The following ADAMTS12 variants were observed in gnomAD, a reference collection of about 807,000 sequenced individuals.
The protein encoded by ADAMTS12 is A disintegrin and metalloproteinase with thrombospondin motifs 12.
ADAMTS12 carries 118 observed loss-of-function variants against 167.8 expected under a neutral mutation model. The observed-to-expected ratio is 0.70, with a 90% CI of 0.61 to 0.82. The LOEUF (loss-of-function observed/expected upper bound fraction) is 0.82. Among genes scored for constraint, ADAMTS12 ranks in the 40% least tolerant of loss-of-function variants. ADAMTS12 has a pLI of 0.00. For missense variants in ADAMTS12, 1,916 were observed against 1,998.8 expected (o/e 0.96, Z 0.79); for synonymous variants, 704 against 716.9 (o/e 0.98, Z 0.29).
chr5:33,762,446 T>C (rs146001254), intron 2 of ADAMTS12, among the ~76,000 whole-genome samples: 2,273 of 151,840 alleles, frequency 0.015, 85 homozygotes, highest in East Asian at 0.14. Flanking sequence ...AGGCGGGGGT[T>C]GCAGTGAGCC....
At chr5:33,682,036 C>T (rs1474741833) in intron 5 of ADAMTS12, among the ~76,000 whole-genome samples, 1 of 152,204 alleles carries the variant, frequency 6.6e-6, no homozygotes, top group Non-Finnish European at 1.5e-5. Flanking sequence ...AGAATGAATT[C>T]TTATGGCAAG....
intron 1 of ADAMTS12, among the ~76,000 whole-genome samples, chr5:33,886,842 A>G (rs1025081386): frequency 3.3e-5 from 5 of 152,192 alleles, no homozygotes; most frequent in Non-Finnish European, 7.3e-5. Flanking sequence ...TACAATGGGC[A>G]TAATAATAAT....
chr5:33,691,601 A>G (rs1170821571), intron 3 of ADAMTS12, among the ~76,000 whole-genome samples: 1 of 152,206 alleles, frequency 6.6e-6, no homozygotes, highest in Non-Finnish European at 1.5e-5. Context: ...GACATGGAAG[A>G]GAGGTCTCTT....
rs566410825 is a variant in ADAMTS12 at position 33,855,330 on chromosome 5, C to T, written c.489+25789G>A. The stretch of plus-strand genomic sequence containing the variant: ...TTCACACAGCTAAACAGAGAGAATG[C>T]TTAATCCTTGCATTTCTGGAAATTA... On this transcript the variant is annotated intron_variant, in intron 2 of 23. Transcript: ENST00000504830. Among the ~76,000 whole-genome samples the T allele has an allele frequency of 5.5e-4, 84 of 152,280 alleles. 2 individuals are homozygous for T. The South Asian group carries it at 0.017, about 31-fold the overall frequency.
At chr5:33,628,572 A>G (rs561102767) in intron 13 of ADAMTS12, among the ~76,000 whole-genome samples, 2 of 152,346 alleles carry the variant, frequency 1.3e-5, no homozygotes, top group African/African-American at 4.8e-5. Context: ...CATGAATATA[A>G]GCAACCAAGT....
intron 21 of ADAMTS12, 61 bp downstream of exon 21, chr5:33,549,144 AAC>A (rs1157538926): frequency 6.4e-7 from 1 of 1,564,726 alleles, no homozygotes; most frequent in Non-Finnish European, 8.7e-7. Context: ...CTTATGCAGT[AAC>A]ACAGAGATTC....
intron 2 of ADAMTS12, among the ~76,000 whole-genome samples, chr5:33,803,734 G>A (rs752432901): frequency 2.6e-5 from 4 of 152,174 alleles, no homozygotes; most frequent in Admixed American, 1.3e-4. Context: ...GAAGCAAGAC[G>A]CATCTTACAC....
At position 33,623,449 on chromosome 5, in the gene ADAMTS12, A is replaced by G. The variant is rs570268948; in HGVS notation, c.2143+782T>C. Among the ~76,000 whole-genome samples the G allele has an allele frequency of 2.7e-4, 41 of 152,324 alleles. No individual in the cohort carries two copies. In the South Asian group the frequency reaches 8.5e-3, roughly 32 times the overall value. ...AGGTGCAAGATCTGCCATGGTTCCC[A>G]TATAATGGTTCACCCTTTCTTAGCT... On this transcript the variant is annotated intron_variant, in intron 14 of 23. Coordinates refer to ENST00000504830, the MANE Select transcript of ADAMTS12 (RefSeq NM_030955.4).
chr5:33,725,834 T>C (rs1743962838), intron 3 of ADAMTS12, among the ~76,000 whole-genome samples: 1 of 152,220 alleles, frequency 6.6e-6, no homozygotes, highest in East Asian at 1.9e-4. Context: ...ATACAAATTC[T>C]TGGGTTCCAC....
At chr5:33,816,234 A>G (rs1369482457) in intron 2 of ADAMTS12, among the ~76,000 whole-genome samples, 3 of 152,182 alleles carry the variant, frequency 2.0e-5, no homozygotes, top group African/African-American at 7.2e-5. Flanking sequence ...AAATAATGTT[A>G]TGATTTATGA....
intron 2 of ADAMTS12, among the ~76,000 whole-genome samples, chr5:33,771,789 C>A (rs747798234): frequency 3.3e-5 from 5 of 151,354 alleles, no homozygotes; most frequent in African/African-American, 1.2e-4. Context: ...AGTTATACTG[C>A]GTACTTGATG....
chr5:33,718,058 T>C, intron 3 of ADAMTS12, among the ~76,000 whole-genome samples: 1 of 152,248 alleles, frequency 6.6e-6, no homozygotes, highest in East Asian at 1.9e-4. Flanking sequence ...TGAATTTTCC[T>C]GGGCTGAATA....
At chr5:33,556,645 G>T (rs1020587785) in intron 20 of ADAMTS12, among the ~76,000 whole-genome samples, 1 of 152,194 alleles carries the variant, frequency 6.6e-6, no homozygotes, top group African/African-American at 2.4e-5. Context: ...GTCTGTAAAA[G>T]GTATAACTGC....
rs1210572846 is a variant in ADAMTS12 at position 33,848,833 on chromosome 5, A to T, written c.489+32286T>A. On this transcript the variant is annotated intron_variant, in intron 2 of 23. Coordinates refer to ENST00000504830, the MANE Select transcript of ADAMTS12 (RefSeq NM_030955.4). The stretch of plus-strand genomic sequence containing the variant: ...AAGAGAAAATATGAATCTAGAACGT[A>T]GATTATTAGCTTACAAACCTGGCTG... Among the ~76,000 whole-genome samples, 3 of 152,164 alleles carry T rather than the reference A, an allele frequency of 2.0e-5. No individual in the cohort carries two copies. In the East Asian group the frequency reaches 5.8e-4, roughly 29 times the overall value.
chr5:33,871,448 A>T (rs1750035462), intron 2 of ADAMTS12, among the ~76,000 whole-genome samples: 1 of 152,180 alleles, frequency 6.6e-6, no homozygotes, highest in Non-Finnish European at 1.5e-5. Flanking sequence ...AGATGCAAAA[A>T]TCCTTTTAAA....
chr5:33,682,915 A>G, intron 5 of ADAMTS12, 103 bp downstream of exon 5: 1 of 894,046 alleles, frequency 1.1e-6, no homozygotes, highest in South Asian at 1.8e-5. Context: ...GCTTCCAAAC[A>G]CTTTCTGGTA....
rs148735809 is a variant in ADAMTS12, at chr5:33,654,874, T to TTTTGTG, written c.1190+3309_1190+3310insCACAAA. ...AGAGAACAGGCGTATGTGGGTGATT[T>TTTTGTG]TGTGTGTGTGTGTGTGTGTGTGTGT... On this transcript the variant is annotated intron_variant, in intron 7 of 23. Transcript: ENST00000504830. 5.2e-3 allele frequency among the ~76,000 whole-genome samples: 730 copies of TTTTGTG among 141,662 alleles called. 4 individuals are homozygous for TTTTGTG. The highest frequency in any genetic ancestry group is 0.017 in the African/African-American group (633 of 37,806). The allele number at this position is 141,662 out of a possible 152,430, so 92.9% of individuals were successfully genotyped here.
chr5:33,671,558 C>T (rs953827336), intron 5 of ADAMTS12, among the ~76,000 whole-genome samples: 5 of 152,100 alleles, frequency 3.3e-5, no homozygotes, highest in Non-Finnish European at 7.3e-5. Flanking sequence ...TGGAGGGTTG[C>T]AATAGAAGAT....
intron 18 of ADAMTS12, among the ~76,000 whole-genome samples, chr5:33,585,866 T>C (rs888866440): frequency 6.6e-6 from 1 of 152,138 alleles, no homozygotes; most frequent in African/African-American, 2.4e-5. Flanking sequence ...CAGGGATGAG[T>C]GTACCAACCT....
Sources: allele counts gnomAD v4.1 joint callset (sites outside exome capture counted in the v4.1 genomes callset), GRCh38; gene constraint gnomAD v4.1.1; transcripts MANE v1.5; gene names NCBI Gene and HGNC (gene_info 2026-07-23, HGNC 2026-07-21).